Variants in MCM5 observed in about 807,000 individuals in gnomAD.
MCM5 encodes DNA replication licensing factor MCM5.
Under a neutral mutation model 79.9 loss-of-function variants are expected in MCM5, and 46 were observed. That is an observed-to-expected ratio of 0.58 (90% CI 0.45 to 0.74). The LOEUF is 0.74. Ranked by LOEUF, MCM5 falls within the 30% of genes least tolerant of loss-of-function variation. The pLI is 0.00. For missense variants in MCM5, 883 were observed against 1,017.0 expected, an observed-to-expected ratio of 0.87 and a Z score of 1.79; for synonymous variants, 404 against 390.5, an observed-to-expected ratio of 1.03 and a Z score of -0.41.
rs2307340 is a variant in MCM5, at chr22:35,406,668, C to G, written c.539C>G (p.Thr180Ser). 0.078 allele frequency: 125,430 copies of G among 1,611,746 alleles called. 5,505 individuals are homozygous for G. The highest frequency in any genetic ancestry group is 0.087 in the Non-Finnish European group (103,066 of 1,179,926). Residue 180 changes from threonine to serine, a missense_variant, in exon 5 of 17, where the codon ACC (threonine) becomes AGC (serine). Coordinates refer to ENST00000216122, the MANE Select transcript of MCM5 (RefSeq NM_006739.4). ...TGCCGCAGCTGCCGCAACACCCTCACCAACATTGCCATGCGCCCTGGCCTC... is the reference window on the plus strand; with the variant it reads ...TGCCGCAGCTGCCGCAACACCCTCAGCAACATTGCCATGCGCCCTGGCCTC... ...IQCRSCRNTLTNIAMRPGLEG... is the reference protein window; with the variant it reads ...IQCRSCRNTLSNIAMRPGLEG...
chr22:35,429,497 C>A (rs769781646), downstream of MCM5, among the ~76,000 whole-genome samples: 3 of 151,806 alleles, frequency 2.0e-5, no homozygotes, highest in Non-Finnish European at 4.4e-5. Flanking sequence ...AGAATTCTCT[C>A]CTGCCATTCC....
At chr22:35,405,524 A>G (rs1022599418) in intron 4 of MCM5, among the ~76,000 whole-genome samples, 12 of 150,198 alleles carry the variant, frequency 8.0e-5, no homozygotes, top group South Asian at 2.1e-4. Context: ...ATGCCATCAC[A>G]CCTGGCTAAT....
In MCM5 at chr22:35,424,854, C is replaced by T. The variant is rs1183680444; in HGVS notation, c.*599C>T. The T allele has an allele frequency of 6.6e-6, 1 of 152,224 alleles. No homozygotes were observed. The highest frequency in any genetic ancestry group is 1.5e-5 in the Non-Finnish European group (1 of 68,052). 9.4% of individuals were successfully genotyped at this position (152,224 alleles called of 1,614,324 possible). Reference sequence around the variant, plus strand: ...CTGGATTCATGGACCCTCTCCATGCCTTAGTTTCCTTATCTGTAAGCAGGC... The same window carrying T: ...CTGGATTCATGGACCCTCTCCATGCTTTAGTTTCCTTATCTGTAAGCAGGC... On this transcript the variant is annotated 3_prime_UTR_variant, in exon 17 of 17. Coordinates refer to ENST00000216122, the MANE Select transcript of MCM5 (RefSeq NM_006739.4).
At chr22:35,438,611 A>C in the MCM5 span, among the ~76,000 whole-genome samples, 1 of 103,494 alleles carries the variant, frequency 9.7e-6, no homozygotes, top group Non-Finnish European at 2.0e-5. Context: ...ACCCACCCAC[A>C]TATTCATCCA....
At chr22:35,424,045 A>C (rs1468789082) in intron 16 of MCM5, 109 bp from the exon 17 acceptor site, 39 of 669,936 alleles carry the variant, frequency 5.8e-5, no homozygotes, top group South Asian at 2.7e-4. Flanking sequence ...TGGGCCCTTT[A>C]GGTCAAAGGA....
intron 13 of MCM5, among the ~76,000 whole-genome samples, chr22:35,418,328 A>G (rs1442029365): frequency 1.3e-5 from 2 of 152,100 alleles, no homozygotes; most frequent in Non-Finnish European, 2.9e-5. Flanking sequence ...CGCAGCTGCA[A>G]TTTGATTGTT....
At chr22:35,444,268 G>A in the MCM5 span, among the ~76,000 whole-genome samples, 2 of 151,662 alleles carry the variant, frequency 1.3e-5, no homozygotes, top group Non-Finnish European at 2.9e-5. Context: ...GGGTGAGAGA[G>A]GTGGAGAGAG....
At chr22:35,402,439 G>A (rs995126196) in intron 2 of MCM5, among the ~76,000 whole-genome samples, 2 of 151,022 alleles carry the variant, frequency 1.3e-5, no homozygotes, top group Admixed American at 6.6e-5. Flanking sequence ...TGATTCTCCT[G>A]CCTCAGTCCC....
chr22:35,407,948 G>A (rs1932266518), intron 5 of MCM5, among the ~76,000 whole-genome samples: 1 of 152,166 alleles, frequency 6.6e-6, no homozygotes, highest in South Asian at 2.1e-4. Context: ...ACTTCTTTAT[G>A]TTGCTATAAT....
chr22:35,408,839 C>A (rs2145788711), intron 6 of MCM5, among the ~76,000 whole-genome samples: 1 of 152,378 alleles, frequency 6.6e-6, no homozygotes, highest in East Asian at 1.9e-4. Context: ...GCCGGGCTTT[C>A]AGCCTATGTG....
chr22:35,439,059 A>G, the MCM5 span, among the ~76,000 whole-genome samples: 1 of 119,450 alleles, frequency 8.4e-6, no homozygotes, highest in African/African-American at 3.3e-5. Flanking sequence ...ACCCACCCAC[A>G]TATTCATCCA....
the MCM5 span, among the ~76,000 whole-genome samples, chr22:35,453,819 T>TATATGTAGAG: frequency 1.2e-5 from 1 of 81,534 alleles, no homozygotes; most frequent in Non-Finnish European, 2.2e-5. Context: ...TATATATATA[T>TATATGTAGAG]AGAGAGAGAG....
At chr22:35,415,065 A>G (rs1374333871) in intron 9 of MCM5, among the ~76,000 whole-genome samples, 1 of 152,140 alleles carries the variant, frequency 6.6e-6, no homozygotes, top group African/African-American at 2.4e-5. Flanking sequence ...TAACAGCCAC[A>G]TTAAAAAGTA....
intron 16 of MCM5, 80 bp downstream of exon 16, chr22:35,423,421 A>G (rs2145804220): frequency 1.4e-6 from 2 of 1,465,760 alleles, no homozygotes; most frequent in South Asian, 1.4e-5. Flanking sequence ...CAGCACTGGC[A>G]TCTTACTCAG....
the MCM5 span, among the ~76,000 whole-genome samples, chr22:35,454,836 G>A: frequency 6.6e-6 from 1 of 152,092 alleles, no homozygotes; most frequent in Non-Finnish European, 1.5e-5. Context: ...GGGCTTCCCT[G>A]TGCTTGCAAA....
chr22:35,441,842 G>A, the MCM5 span, among the ~76,000 whole-genome samples: 555 of 152,226 alleles, frequency 3.6e-3, 1 homozygote, highest in Non-Finnish European at 6.2e-3. Flanking sequence ...ATGTGGCATG[G>A]GTGTGAAGGT....
intron 4 of MCM5, among the ~76,000 whole-genome samples, chr22:35,406,305 C>CCCCA (rs1259813057): frequency 2.1e-5 from 3 of 144,878 alleles, no homozygotes; most frequent in Non-Finnish European, 4.6e-5. Flanking sequence ...CACCTCCCCC[C>CCCCA]CCAATTGTGC....
intron 6 of MCM5, 85 bp from the exon 7 acceptor site, chr22:35,410,659 G>A (rs761084350): frequency 2.8e-5 from 37 of 1,342,462 alleles, no homozygotes; most frequent in East Asian, 9.2e-5. Context: ...TGGACCCTGC[G>A]TGTCCTGGGC....
At chr22:35,412,997 A>G (rs551571369) in intron 8 of MCM5, among the ~76,000 whole-genome samples, 1 of 151,458 alleles carries the variant, frequency 6.6e-6, no homozygotes, top group Non-Finnish European at 1.5e-5. Context: ...AGTAGCAGGG[A>G]TATTATTAGC....
Sources: allele counts gnomAD v4.1 joint callset (sites outside exome capture counted in the v4.1 genomes callset), GRCh38; gene constraint gnomAD v4.1.1; transcripts MANE v1.5; gene names NCBI Gene and HGNC (gene_info 2026-07-23, HGNC 2026-07-21).